The following CSMD1 variants were observed in gnomAD, a reference collection of about 807,000 sequenced individuals.
The protein encoded by CSMD1 is CUB and Sushi multiple domains 1.
CSMD1 carries 213 observed loss-of-function variants against 417.5 expected under a neutral mutation model. That is an observed-to-expected ratio of 0.51 (90% confidence interval 0.46 to 0.57). The LOEUF is 0.57. Among genes scored for constraint, CSMD1 ranks in the 20% least tolerant of loss-of-function variants. The pLI, the probability that CSMD1 is intolerant of heterozygous loss-of-function variation, is 0.00. For missense variants in CSMD1, 6,923 were observed against 4,529.7 expected (o/e 1.53, Z -15.17); for synonymous variants, 2,862 against 1,736.8 (o/e 1.65, Z -16.11).
chr8:3,873,827 G>A (rs187485970), intron 5 of CSMD1, among the ~76,000 whole-genome samples: 1 of 152,196 alleles, frequency 6.6e-6, no homozygotes, highest in Non-Finnish European at 1.5e-5. Context: ...TGGTCACGGT[G>A]TTTGTAGTTT....
intron 69 of CSMD1, among the ~76,000 whole-genome samples, chr8:2,941,147 C>G (rs61032949): frequency 0.038 from 5,816 of 152,196 alleles, 222 homozygotes; most frequent in African/African-American, 0.095. Flanking sequence ...CTTTAATTTT[C>G]TAAATATCAT....
At chr8:3,773,565 G>C (rs117879121) in intron 5 of CSMD1, among the ~76,000 whole-genome samples, 1,821 of 152,214 alleles carry the variant, frequency 0.012, 28 homozygotes, top group Non-Finnish European at 0.014. Context: ...GAAATTACAG[G>C]CATGAGCCAC....
At chr8:3,891,184 C>T (rs1806946544) in intron 5 of CSMD1, among the ~76,000 whole-genome samples, 1 of 151,890 alleles carries the variant, frequency 6.6e-6, no homozygotes, top group South Asian at 2.1e-4. Flanking sequence ...AAGCTGGGAC[C>T]ACAGGCATGT....
At chr8:3,361,853 C>T (rs1441557755) in intron 20 of CSMD1, among the ~76,000 whole-genome samples, 1 of 152,092 alleles carries the variant, frequency 6.6e-6, no homozygotes, top group African/African-American at 2.4e-5. Flanking sequence ...AAGCCTGAAA[C>T]AACACCATGA....
rs189217487 is a variant in CSMD1, at chr8:4,800,468, T to G, written c.86-162910A>C. ...AAAAAAAAAAAAGGAAAATTAAAAA[T>G]TAATCACCTTTGTCTTAGGTTTAAT... is the stretch of plus-strand genomic sequence containing the variant. On this transcript the variant is annotated intron_variant, in intron 1 of 69. Transcript: ENST00000635120. 8.6e-5 allele frequency among the ~76,000 whole-genome samples: 13 copies of G among 150,742 alleles called. No homozygotes were observed. In the East Asian group the frequency reaches 2.5e-3, roughly 29 times the overall value.
Position 3,535,080 on chromosome 8 carries a change from T to G in CSMD1, c.1344+39865A>C, listed in dbSNP as rs186697703. ...CTCCTGCCTCAGCCTACTGAGTAGT[T>G]GGGACTACAGGGTGTACCAACATAG... On this transcript the variant is annotated intron_variant, in intron 10 of 69. Transcript: ENST00000635120. Among the ~76,000 whole-genome samples, 386 of 152,248 alleles carry G rather than the reference T, an allele frequency of 2.5e-3. 5 individuals are homozygous for G. The highest frequency in any genetic ancestry group is 0.023 in the Admixed American group (354 of 15,306).
chr8:4,149,883 G>A (rs957854965), intron 3 of CSMD1, among the ~76,000 whole-genome samples: 3 of 152,092 alleles, frequency 2.0e-5, no homozygotes, highest in Non-Finnish European at 2.9e-5. Context: ...AGCTGACCCA[G>A]GTCCACTCTA....
At chr8:4,295,137 TATAATCTTAAGATTAC>T (rs1797591386) in intron 3 of CSMD1, among the ~76,000 whole-genome samples, 1 of 131,770 alleles carries the variant, frequency 7.6e-6, no homozygotes, top group African/African-American at 2.6e-5. Context: ...CTTAAGATTA[TATAATCTTAAGATTAC>T]GCACATATAA....
chr8:4,272,663 C>G (rs994086968), intron 3 of CSMD1, among the ~76,000 whole-genome samples: 1 of 152,170 alleles, frequency 6.6e-6, no homozygotes, highest in African/African-American at 2.4e-5. Context: ...ACACTCCAAA[C>G]CGACTGTAGA....
intron 5 of CSMD1, among the ~76,000 whole-genome samples, chr8:3,937,263 G>C (rs753182888): frequency 6.6e-6 from 1 of 151,742 alleles, no homozygotes; most frequent in Non-Finnish European, 1.5e-5. Context: ...AGCAGGGTTA[G>C]AGAAGACTGA....
At chr8:3,619,081 T>A (rs1563204448) in intron 7 of CSMD1, among the ~76,000 whole-genome samples, 1 of 151,052 alleles carries the variant, frequency 6.6e-6, no homozygotes, top group Non-Finnish European at 1.5e-5. Context: ...TACACTGGGG[T>A]AAGGGATTCC....
intron 1 of CSMD1, among the ~76,000 whole-genome samples, chr8:4,944,909 C>T (rs1414031308): frequency 6.6e-6 from 1 of 152,088 alleles, no homozygotes; most frequent in Non-Finnish European, 1.5e-5. Context: ...TGAGGATATA[C>T]TCAAAACAGT....
intron 3 of CSMD1, among the ~76,000 whole-genome samples, chr8:4,403,040 C>A (rs982579489): frequency 9.9e-5 from 15 of 151,814 alleles, no homozygotes; most frequent in African/African-American, 3.6e-4. Context: ...ACCACGTTGG[C>A]CAGGATGGTC....
intron 52 of CSMD1, among the ~76,000 whole-genome samples, chr8:3,011,842 T>C (rs1038321739): frequency 2.6e-5 from 4 of 152,198 alleles, no homozygotes; most frequent in Admixed American, 1.3e-4. Flanking sequence ...TCTTCCTAGT[T>C]TGTGTGTTCT....
intron 6 of CSMD1, among the ~76,000 whole-genome samples, chr8:3,751,599 A>C (rs1173904486): frequency 1.3e-5 from 2 of 151,054 alleles, no homozygotes; most frequent in African/African-American, 2.4e-5. Flanking sequence ...TTGTTTATAT[A>C]ATTTATATAC....
intron 1 of CSMD1, among the ~76,000 whole-genome samples, chr8:4,646,803 C>T (rs569719251): frequency 6.6e-6 from 1 of 152,226 alleles, no homozygotes; most frequent in East Asian, 1.9e-4. Flanking sequence ...TACAAGCTCT[C>T]TAAGAGGACA....
At chr8:3,610,527 G>C (rs1287809319) in intron 8 of CSMD1, among the ~76,000 whole-genome samples, 1 of 151,472 alleles carries the variant, frequency 6.6e-6, no homozygotes, top group Non-Finnish European at 1.5e-5. Context: ...AAAATAAATA[G>C]GTCATATAAG....
At chr8:4,288,478 G>A (rs1471684789) in intron 3 of CSMD1, among the ~76,000 whole-genome samples, 2 of 152,168 alleles carry the variant, frequency 1.3e-5, no homozygotes. Context: ...TGACGATGAG[G>A]CTATGGGTAA....
At chr8:3,195,898 C>G (rs565287624) in intron 33 of CSMD1, among the ~76,000 whole-genome samples, 1 of 152,286 alleles carries the variant, frequency 6.6e-6, no homozygotes, top group South Asian at 2.1e-4. Context: ...AATATTTAAA[C>G]TGTCAGAGGT....
Sources: gnomAD v4.1 joint callset for allele counts (sites outside exome capture counted in the v4.1 genomes callset) on GRCh38, gnomAD v4.1.1 for gene constraint, MANE v1.5 for transcripts, NCBI Gene and HGNC (gene_info 2026-07-23, HGNC 2026-07-21) for gene names.